Variants in SIPA1L2 observed in about 807,000 individuals in gnomAD.
SIPA1L2 encodes signal induced proliferation associated 1 like 2, also known as signal-induced proliferation-associated 1-like protein 2.
A neutral mutation model predicts 163.9 loss-of-function variants in SIPA1L2; 56 were observed. The observed-to-expected ratio is 0.34, with a 90% CI of 0.28 to 0.43. The LOEUF (loss-of-function observed/expected upper bound fraction) is 0.43. Ranked by LOEUF, SIPA1L2 falls within the 20% of genes least tolerant of loss-of-function variation. SIPA1L2 has a pLI of 1.00. For synonymous variants in SIPA1L2, 877 were observed against 865.7 expected (o/e 1.01, Z -0.23); for missense variants, 1,974 against 2,193.5 (o/e 0.90, Z 2.00).
intron 10 of SIPA1L2, among the ~76,000 whole-genome samples, chr1:232,454,403 C>A (rs150849381): frequency 6.6e-6 from 1 of 152,310 alleles, no homozygotes; most frequent in East Asian, 1.9e-4. Flanking sequence ...CAGATGGTAT[C>A]TTTGTATCCC....
At chr1:232,404,268 T>A in intron 19 of SIPA1L2, 90 bp from the exon 20 acceptor site, 1 of 1,164,062 alleles carries the variant, frequency 8.6e-7, no homozygotes, top group Non-Finnish European at 1.3e-6. Context: ...CTGTGTGAAG[T>A]AGTGTGTGTG....
In SIPA1L2 at chr1:232,439,404, G is replaced by A. The variant is rs34022670; in HGVS notation, c.3735C>T (p.Gly1245=). 5.8e-5 allele frequency: 94 copies of A among 1,614,186 alleles called. No homozygotes were observed. The African/African-American group carries it at 1.1e-3, about 18-fold the overall frequency. ...CCAGTAATTCGGGGTCCATCAGGTC[G>A]CCAGACCCAAAGTGCTTGTCGTCAC... ...SNSDDKHFGS[G]DLMDPELLGL... is the part of the protein sequence containing the mutation. Residue 1245 remains glycine, a synonymous_variant, in exon 15 of 23, where the codon GGC becomes GGT. Coordinates refer to ENST00000674635, the MANE Select transcript of SIPA1L2 (RefSeq NM_020808.5).
At chr1:232,576,506 C>A (rs1660084566) in intron 1 of SIPA1L2, among the ~76,000 whole-genome samples, 1 of 152,182 alleles carries the variant, frequency 6.6e-6, no homozygotes, top group South Asian at 2.1e-4. Flanking sequence ...TCTCCTCAGA[C>A]CTCCCGATTC....
chr1:232,565,906 G>T (rs1459165926), intron 2 of SIPA1L2, among the ~76,000 whole-genome samples: 2 of 152,176 alleles, frequency 1.3e-5, no homozygotes, highest in African/African-American at 4.8e-5. Context: ...GGTTCCTATA[G>T]TATACACTGT....
chr1:232,488,752 T>A (rs1665773072), intron 5 of SIPA1L2, among the ~76,000 whole-genome samples: 1 of 152,222 alleles, frequency 6.6e-6, no homozygotes, highest in African/African-American at 2.4e-5. Flanking sequence ...GCCTGGTTTT[T>A]AGAACTGCCT....
intron 18 of SIPA1L2, among the ~76,000 whole-genome samples, chr1:232,417,783 G>A (rs983434515): frequency 6.6e-6 from 1 of 152,184 alleles, no homozygotes; most frequent in African/African-American, 2.4e-5. Flanking sequence ...TGCACCGAGT[G>A]TAAAGAAATT....
chr1:232,436,647 G>A (rs1662580955), intron 15 of SIPA1L2, among the ~76,000 whole-genome samples: 1 of 152,158 alleles, frequency 6.6e-6, no homozygotes, highest in Admixed American at 6.5e-5. Context: ...AGCTGGGGTT[G>A]GCATTTCAGA....
chr1:232,494,926 T>A (rs1409444951), intron 3 of SIPA1L2, among the ~76,000 whole-genome samples: 3 of 152,118 alleles, frequency 2.0e-5, no homozygotes, highest in African/African-American at 7.2e-5. Flanking sequence ...CACCCTGACT[T>A]AAGGTTTTGG....
At chr1:232,615,632 C>A (rs1662462288) in intron 1 of SIPA1L2, among the ~76,000 whole-genome samples, 1 of 152,192 alleles carries the variant, frequency 6.6e-6, no homozygotes, top group African/African-American at 2.4e-5. Context: ...GAATTTTAAA[C>A]AGGGACTAGG....
chr1:232,618,381 C>T (rs565269925), intron 1 of SIPA1L2, among the ~76,000 whole-genome samples: 3 of 152,224 alleles, frequency 2.0e-5, no homozygotes, highest in African/African-American at 7.2e-5. Context: ...TGTGGCTGGG[C>T]GCGGTGGCTC....
intron 16 of SIPA1L2, among the ~76,000 whole-genome samples, chr1:232,431,527 C>T (rs1023585922): frequency 7.2e-5 from 11 of 152,222 alleles, no homozygotes; most frequent in South Asian, 2.1e-4. Flanking sequence ...CAGCACCACA[C>T]GCCTGATGAC....
chr1:232,525,379 G>A (rs1278937989), intron 2 of SIPA1L2, among the ~76,000 whole-genome samples: 1 of 150,280 alleles, frequency 6.7e-6, no homozygotes, highest in Non-Finnish European at 1.5e-5. Flanking sequence ...GGGATTACAG[G>A]CACCCGCCAC....
chr1:232,434,100 T>A (rs558652179), intron 15 of SIPA1L2, among the ~76,000 whole-genome samples: 11 of 152,212 alleles, frequency 7.2e-5, no homozygotes, highest in Admixed American at 3.9e-4. Context: ...ATTGAAAGAG[T>A]TTAACACAGG....
intron 2 of SIPA1L2, among the ~76,000 whole-genome samples, chr1:232,569,281 T>G (rs1659580588): frequency 6.6e-6 from 1 of 152,166 alleles, no homozygotes; most frequent in Non-Finnish European, 1.5e-5. Flanking sequence ...AGATATGAAA[T>G]CATCTAAACA....
chr1:232,615,100 C>T (rs552302951), intron 1 of SIPA1L2, among the ~76,000 whole-genome samples: 73 of 152,334 alleles, frequency 4.8e-4, no homozygotes, highest in African/African-American at 5.8e-4. Flanking sequence ...ATCAGAATTA[C>T]TGCTACACAT....
At chr1:232,579,048 G>T (rs1660225863) in intron 1 of SIPA1L2, among the ~76,000 whole-genome samples, 1 of 152,174 alleles carries the variant, frequency 6.6e-6, no homozygotes, top group Non-Finnish European at 1.5e-5. Context: ...GTCTATCACT[G>T]CGAGGAGGCT....
intron 2 of SIPA1L2, among the ~76,000 whole-genome samples, chr1:232,534,076 A>G (rs994285470): frequency 1.3e-5 from 2 of 151,910 alleles, no homozygotes; most frequent in Non-Finnish European, 2.9e-5. Flanking sequence ...GACCCCAAAT[A>G]GCCAAAACAA....
At chr1:232,610,496 T>C (rs894323977) in intron 1 of SIPA1L2, among the ~76,000 whole-genome samples, 27 of 152,262 alleles carry the variant, frequency 1.8e-4, no homozygotes, top group Admixed American at 1.3e-4. Flanking sequence ...GCCTTACTTA[T>C]TTATGTAGTG....
intron 9 of SIPA1L2, among the ~76,000 whole-genome samples, chr1:232,463,312 G>A (rs375343394): frequency 2.6e-5 from 4 of 152,158 alleles, no homozygotes; most frequent in South Asian, 4.2e-4. Flanking sequence ...TCTGCCAAAC[G>A]GGCAGGCATT....
Sources: gnomAD v4.1 joint callset for allele counts (sites outside exome capture counted in the v4.1 genomes callset) on GRCh38, gnomAD v4.1.1 for gene constraint, MANE v1.5 for transcripts, NCBI Gene and HGNC (gene_info 2026-07-23, HGNC 2026-07-21) for gene names.